The following TMX3 variants were observed in gnomAD, a reference collection of about 807,000 sequenced individuals.
The protein encoded by TMX3 is protein disulfide-isomerase TMX3.
A neutral mutation model predicts 64.4 loss-of-function variants in TMX3; 40 were observed. The observed-to-expected ratio is 0.62, with a 90% CI of 0.48 to 0.81. The LOEUF (loss-of-function observed/expected upper bound fraction) is 0.81, where lower values mean the gene tolerates loss of function less well. Among genes scored for constraint, TMX3 ranks in the 30% least tolerant of loss-of-function variants. The pLI is 0.00. For missense variants in TMX3, 497 were observed against 534.5 expected (o/e 0.93, Z 0.69); for synonymous variants, 189 against 175.7 (o/e 1.08, Z -0.60).
At chr18:68,690,619 G>A (rs972287768) in intron 9 of TMX3, among the ~76,000 whole-genome samples, 1 of 152,188 alleles carries the variant, frequency 6.6e-6, no homozygotes, top group Non-Finnish European at 1.5e-5. Flanking sequence ...ATTTTGTAAA[G>A]AGATGCGTAA....
chr18:68,707,674 C>G (rs1239777209), intron 4 of TMX3, among the ~76,000 whole-genome samples: 1 of 152,150 alleles, frequency 6.6e-6, no homozygotes, highest in East Asian at 1.9e-4. Flanking sequence ...CTGACCTATT[C>G]AAGTGATCAC....
chr18:68,687,299 T>C (rs576309021), intron 10 of TMX3: 2 of 985,450 alleles, frequency 2.0e-6, no homozygotes, highest in Non-Finnish European at 2.4e-6. Flanking sequence ...CATTTTTCCC[T>C]TTCACAGGTA....
intron 4 of TMX3, among the ~76,000 whole-genome samples, chr18:68,705,402 A>C (rs1015584194): frequency 1.3e-5 from 2 of 152,246 alleles, no homozygotes; most frequent in African/African-American, 2.4e-5. Context: ...TGAAACAGTC[A>C]CTGACCAAAA....
intron 4 of TMX3, among the ~76,000 whole-genome samples, chr18:68,703,294 T>C (rs1458223588): frequency 1.3e-5 from 2 of 152,214 alleles, no homozygotes; most frequent in Non-Finnish European, 2.9e-5. Context: ...ATATAATTGA[T>C]TGGGGGACAA....
At chr18:68,692,016 A>T (rs1914572151) in intron 8 of TMX3, among the ~76,000 whole-genome samples, 1 of 152,250 alleles carries the variant, frequency 6.6e-6, no homozygotes, top group Non-Finnish European at 1.5e-5. Flanking sequence ...TAGATAATGA[A>T]GTAAAATAAC....
Position 68,697,211 on chromosome 18 carries a change from A to C in TMX3, c.570+15T>G, listed in dbSNP as rs1441977325. 2 of 1,410,686 alleles carry C rather than the reference A, an allele frequency of 1.4e-6. No individual in the cohort carries two copies. Among genetic ancestry groups the C allele is most frequent in the Non-Finnish European group, 1.9e-6 (2 of 1,028,514 alleles). The allele number at this position is 1,410,686 out of a possible 1,614,324, so 87.4% of individuals were successfully genotyped here. A position where few individuals can be genotyped will look rare whatever the true frequency, so the allele number is the denominator to read the frequency against. On this transcript the variant is annotated intron_variant, in intron 8 of 15. Coordinates refer to ENST00000299608, the MANE Select transcript of TMX3 (RefSeq NM_019022.5). ...AAATAAAATTGTGTCGTTAAAATCA[A>C]ATTTTAAATATTACCTCAGGAACCA...
chr18:68,693,369 G>A (rs1914718504), intron 8 of TMX3, among the ~76,000 whole-genome samples: 1 of 152,124 alleles, frequency 6.6e-6, no homozygotes, highest in South Asian at 2.1e-4. Flanking sequence ...AGCTGAAGCT[G>A]CTCAGGAGTG....
chr18:68,684,700 G>A (rs1913773600), intron 10 of TMX3, among the ~76,000 whole-genome samples: 1 of 151,984 alleles, frequency 6.6e-6, no homozygotes, highest in Non-Finnish European at 1.5e-5. Context: ...TCCCTTCCAC[G>A]TCCCACCCCA....
rs527865287 is a variant in TMX3 at position 68,686,951 on chromosome 18, A to G, written c.736+716T>C. On this transcript the variant is annotated intron_variant, in intron 10 of 15. Coordinates refer to ENST00000299608, the MANE Select transcript of TMX3 (RefSeq NM_019022.5). ...GATTTAAGAGTAGGCAATCATGAAG[A>G]GGAAACCCTATGCCTATTACTTACA... The G allele has an allele frequency of 2.6e-4, 260 of 983,704 alleles. 2 individuals carry two copies. The Middle Eastern group carries it at 7.3e-3, about 28-fold the overall frequency. 60.9% of individuals were successfully genotyped at this position (983,704 alleles called of 1,614,324 possible).
In TMX3 at chr18:68,684,260, A is replaced by G. The variant is rs777012509; in HGVS notation, c.795-17T>C. ...GACTTCAATCTGTAGAAGAACAAAC[A>G]TATGAATAGTTCATCTCTGCACTTG... On this transcript the variant is annotated splice_polypyrimidine_tract_variant and intron_variant, in intron 11 of 15. Transcript: ENST00000299608. The G allele has an allele frequency of 6.2e-7, 1 of 1,602,208 alleles. No homozygotes were observed. The highest frequency in any genetic ancestry group is 1.1e-5 in the South Asian group (1 of 90,210).
In TMX3 at chr18:68,697,209, C is replaced by T. The variant is rs1915180422; in HGVS notation, c.570+17G>A. 5 of 1,384,908 alleles carry T rather than the reference C, an allele frequency of 3.6e-6. No individual in the cohort carries two copies. Among genetic ancestry groups the T allele is most frequent in the Non-Finnish European group, 5.0e-6 (5 of 1,007,834 alleles). The allele number at this position is 1,384,908 out of a possible 1,614,324, so 85.8% of individuals were successfully genotyped here. A position where few individuals can be genotyped will look rare whatever the true frequency, so the allele number is the denominator to read the frequency against. On this transcript the variant is annotated intron_variant, in intron 8 of 15. Transcript: ENST00000299608. ...ATAAATAAAATTGTGTCGTTAAAAT[C>T]AAATTTTAAATATTACCTCAGGAAC... is the stretch of plus-strand genomic sequence containing the variant.
intron 4 of TMX3, among the ~76,000 whole-genome samples, chr18:68,703,526 G>T (rs1228975775): frequency 6.6e-6 from 1 of 152,014 alleles, no homozygotes; most frequent in African/African-American, 2.4e-5. Context: ...TATTCACATC[G>T]AGACAATGGA....
At chr18:68,683,097 C>T (rs1410698274) in intron 12 of TMX3, 116 bp from the exon 13 acceptor site, 23 of 837,228 alleles carry the variant, frequency 2.7e-5, no homozygotes, top group Non-Finnish European at 4.4e-5. Flanking sequence ...TAAATTCAGG[C>T]CTCAGTAGGC....
At chr18:68,709,540 A>G (rs374253117) in intron 4 of TMX3, among the ~76,000 whole-genome samples, 1 of 152,104 alleles carries the variant, frequency 6.6e-6, no homozygotes, top group Non-Finnish European at 1.5e-5. Context: ...ACTTCATTCT[A>G]TTCTCTAGTA....
chr18:68,673,975 CCCTGT>C lies in TMX3; in HGVS notation c.*2953_*2957del, dbSNP rs1912728776. ...GCATAAGGAGTGTTGAATGATTTTT[CCCTGT>C]CCTAACTCCATGTCGTATGAAGCAA... On this transcript the variant is annotated 3_prime_UTR_variant, in exon 16 of 16. Transcript: ENST00000299608. 1 of 152,046 alleles carries C rather than the reference CCCTGT, an allele frequency of 6.6e-6. No individual in the cohort carries two copies. The highest frequency in any genetic ancestry group is 1.5e-5 in the Non-Finnish European group (1 of 67,990). 9.4% of individuals were successfully genotyped at this position (152,046 alleles called of 1,614,324 possible). A position where few individuals can be genotyped will look rare whatever the true frequency, so the allele number is the denominator to read the frequency against.
chr18:68,711,426 TTTGA>T (rs776678821), intron 2 of TMX3, 23 bp from the exon 3 acceptor site: 2 of 1,551,610 alleles, frequency 1.3e-6, no homozygotes, highest in South Asian at 1.2e-5. Flanking sequence ...AAAACAAATG[TTTGA>T]TTGTATGTTT....
chr18:68,700,352 TTTAA>T, intron 6 of TMX3, 49 bp downstream of exon 6: 1 of 1,233,892 alleles, frequency 8.1e-7, no homozygotes. Context: ...TTAAAATATA[TTTAA>T]TTTTCAAATA....
chr18:68,703,611 T>C (rs1568199062), intron 4 of TMX3, among the ~76,000 whole-genome samples: 1 of 152,180 alleles, frequency 6.6e-6, no homozygotes, highest in East Asian at 1.9e-4. Flanking sequence ...TAATTTTAAT[T>C]GACAGTAACT....
At chr18:68,713,003 T>TTA (rs962798482) in intron 2 of TMX3, among the ~76,000 whole-genome samples, 12 of 122,314 alleles carry the variant, frequency 9.8e-5, no homozygotes, top group African/African-American at 3.6e-4. Flanking sequence ...TCAAGAGGTT[T>TTA]AAAAAAAAAA....
Sources: allele counts gnomAD v4.1 joint callset (sites outside exome capture counted in the v4.1 genomes callset), GRCh38; gene constraint gnomAD v4.1.1; transcripts MANE v1.5; gene names NCBI Gene and HGNC (gene_info 2026-07-23, HGNC 2026-07-21).